Variants in HERC3 observed in about 807,000 individuals in gnomAD.
The protein encoded by HERC3 is HECT and RLD domain containing E3 ubiquitin protein ligase 3.
HERC3 carries 58 observed loss-of-function variants against 129.9 expected under a neutral mutation model. The observed-to-expected ratio is 0.45, with a 90% CI of 0.36 to 0.56. The LOEUF (loss-of-function observed/expected upper bound fraction) is 0.56. Among genes scored for constraint, HERC3 ranks in the 20% least tolerant of loss-of-function variants. HERC3 has a pLI of 0.00. For synonymous variants in HERC3, 430 were observed against 451.0 expected, an observed-to-expected ratio of 0.95 and a Z score of 0.59; for missense variants, 835 against 1,244.2, an observed-to-expected ratio of 0.67 and a Z score of 4.95.
chr4:88,559,960 A>AATTTTT, the HERC3 span, among the ~76,000 whole-genome samples: 3 of 119,554 alleles, frequency 2.5e-5, no homozygotes, highest in African/African-American at 6.1e-5. Context: ...GTTATTTTTG[A>AATTTTT]TTTTTTTTTT....
the HERC3 span, among the ~76,000 whole-genome samples, chr4:88,580,806 A>C: frequency 6.6e-6 from 1 of 152,192 alleles, no homozygotes; most frequent in Non-Finnish European, 1.5e-5. Flanking sequence ...GTATGAATGA[A>C]TTTATCAGAT....
chr4:88,591,562 G>T (rs981912770), upstream of HERC3, among the ~76,000 whole-genome samples: 1 of 152,154 alleles, frequency 6.6e-6, no homozygotes, highest in African/African-American at 2.4e-5. Context: ...GATTAAAGCA[G>T]TACCGTGCCA....
the HERC3 span, among the ~76,000 whole-genome samples, chr4:88,565,203 TATTC>T: frequency 6.6e-6 from 1 of 152,120 alleles, no homozygotes; most frequent in Admixed American, 6.5e-5. Context: ...GAAAAATATG[TATTC>T]TACAGCCACT....
chr4:88,673,965 C>T (rs1023315742), intron 16 of HERC3, among the ~76,000 whole-genome samples: 2 of 152,196 alleles, frequency 1.3e-5, no homozygotes, highest in Admixed American at 6.5e-5. Flanking sequence ...AGACCACCAG[C>T]TCTGGGCAGT....
intron 16 of HERC3, among the ~76,000 whole-genome samples, chr4:88,675,106 C>T (rs1459164814): frequency 6.6e-6 from 1 of 152,170 alleles, no homozygotes; most frequent in Non-Finnish European, 1.5e-5. Flanking sequence ...CTTACTGAAC[C>T]CAAACCCTAG....
At position 88,656,028 on chromosome 4, in the gene HERC3, C is replaced by G. The variant is rs1287293496; in HGVS notation, c.1062C>G (p.Ala354=). Reference sequence around the variant, plus strand: ...CTGCCCACAGTGGCCAGCTTTCAGCCCGAGCTGGTAAGAATGATTGTCTCT... The same window carrying G: ...CTGCCCACAGTGGCCAGCTTTCAGCGCGAGCTGGTAAGAATGATTGTCTCT... ...YWAAHSGQLS[A]RADRFKYHIV... is the part of the protein sequence containing the mutation. Residue 354 remains alanine, a synonymous_variant, in exon 9 of 26, where the codon GCC becomes GCG. Transcript: ENST00000402738. The G allele has an allele frequency of 6.2e-7, 1 of 1,613,736 alleles. No individual in the cohort carries two copies. The highest frequency in any genetic ancestry group is 1.3e-5 in the African/African-American group (1 of 74,898).
chr4:88,546,133 G>T, the HERC3 span, among the ~76,000 whole-genome samples: 1 of 152,036 alleles, frequency 6.6e-6, no homozygotes, highest in Non-Finnish European at 1.5e-5. Flanking sequence ...CACAATTTTT[G>T]AACTAGAGAT....
chr4:88,582,489 TCCAATGTG>T, the HERC3 span, among the ~76,000 whole-genome samples: 2 of 152,252 alleles, frequency 1.3e-5, no homozygotes, highest in South Asian at 4.1e-4. Context: ...CATCTTCCCT[TCCAATGTG>T]CAGGGATAAG....
chr4:88,698,199 A>G (rs1734877917), intron 23 of HERC3, among the ~76,000 whole-genome samples: 2 of 152,064 alleles, frequency 1.3e-5, no homozygotes, highest in South Asian at 4.1e-4. Flanking sequence ...TTTCCTCTGC[A>G]TCTCTCTCCA....
At chr4:88,686,823 C>G (rs1258249092) in intron 22 of HERC3, 21 bp downstream of exon 22, 4 of 1,550,554 alleles carry the variant, frequency 2.6e-6, no homozygotes, top group Non-Finnish European at 2.7e-6. Flanking sequence ...CCACAGTTTA[C>G]TTAGGATTGT....
chr4:88,623,946 A>G (rs896270606), intron 3 of HERC3, among the ~76,000 whole-genome samples: 2 of 152,164 alleles, frequency 1.3e-5, no homozygotes, highest in Admixed American at 6.5e-5. Context: ...CTTTATGTCA[A>G]TTTAACATCC....
At chr4:88,700,157 T>C (rs1385564016) in intron 23 of HERC3, among the ~76,000 whole-genome samples, 2 of 151,952 alleles carry the variant, frequency 1.3e-5, no homozygotes, top group African/African-American at 4.8e-5. Context: ...AGTAAATTTA[T>C]TTTTTATTAT....
the HERC3 span, among the ~76,000 whole-genome samples, chr4:88,537,905 T>G: frequency 2.6e-5 from 4 of 152,260 alleles, no homozygotes; most frequent in Admixed American, 1.3e-4. Flanking sequence ...GCAGAACTGT[T>G]GTTTCTGTGA....
At chr4:88,621,846 A>C (rs1049172156) in intron 3 of HERC3, among the ~76,000 whole-genome samples, 4 of 152,212 alleles carry the variant, frequency 2.6e-5, no homozygotes, top group African/African-American at 9.7e-5. Flanking sequence ...ATAACCCTAA[A>C]ACTGTAAGTA....
intron 23 of HERC3, among the ~76,000 whole-genome samples, chr4:88,698,532 C>T (rs184618232): frequency 6.6e-6 from 1 of 152,150 alleles, no homozygotes; most frequent in East Asian, 1.9e-4. Context: ...GAATCTTTGG[C>T]CTGTGGGAAG....
the HERC3 span, among the ~76,000 whole-genome samples, chr4:88,584,516 T>C: frequency 6.6e-6 from 1 of 152,334 alleles, no homozygotes; most frequent in Non-Finnish European, 1.5e-5. Flanking sequence ...TGAAATTAAA[T>C]TGCCATTGTA....
the HERC3 span, among the ~76,000 whole-genome samples, chr4:88,560,588 G>T: frequency 1.3e-5 from 2 of 151,984 alleles, no homozygotes; most frequent in South Asian, 4.1e-4. Flanking sequence ...TTTTTAGTTT[G>T]ATTTAGTCCC....
chr4:88,663,874 G>A lies in HERC3; in HGVS notation c.1272-279G>A, dbSNP rs569945667. Among the ~76,000 whole-genome samples, 3 of 152,268 alleles carry A rather than the reference G, an allele frequency of 2.0e-5. No homozygotes were observed. The East Asian group carries it at 5.8e-4, about 29-fold the overall frequency. On this transcript the variant is annotated intron_variant, in intron 11 of 25. Coordinates refer to ENST00000402738, the MANE Select transcript of HERC3 (RefSeq NM_014606.3). The stretch of plus-strand genomic sequence containing the variant: ...TAGGGCACTTCTTAGATGGTTGGTG[G>A]TAGAAAAATATTCAAGAACATTATT...
At chr4:88,647,757 C>A (rs1340389096) in intron 3 of HERC3, among the ~76,000 whole-genome samples, 1 of 151,268 alleles carries the variant, frequency 6.6e-6, no homozygotes, top group East Asian at 1.9e-4. Flanking sequence ...CAGTTCCCTG[C>A]CTCACCTGTC....
Sources: gnomAD v4.1 joint callset for allele counts (sites outside exome capture counted in the v4.1 genomes callset) on GRCh38, gnomAD v4.1.1 for gene constraint, MANE v1.5 for transcripts, NCBI Gene and HGNC (gene_info 2026-07-23, HGNC 2026-07-21) for gene names.